The following CBLIF variants were observed in gnomAD, a reference collection of about 807,000 sequenced individuals.
CBLIF encodes the protein gastric intrinsic factor (vitamin B synthesis).
Under a neutral mutation model 44.9 loss-of-function variants are expected in CBLIF, and 24 were observed. That is an observed-to-expected ratio of 0.53 (90% CI 0.39 to 0.75). The LOEUF is 0.75. Among genes scored for constraint, CBLIF ranks in the 30% least tolerant of loss-of-function variants. CBLIF has a pLI of 0.00. For missense variants in CBLIF, 481 were observed against 513.0 expected (o/e 0.94, Z 0.60); for synonymous variants, 183 against 190.9 (o/e 0.96, Z 0.34).
chr11:59,843,274 G>T, intron 2 of CBLIF, 133 bp from the exon 3 acceptor site: 1 of 680,214 alleles, frequency 1.5e-6, no homozygotes. Context: ...TCTTTGATCT[G>T]TCTTTCCAAA....
At position 59,843,898 on chromosome 11, in the gene CBLIF, G is replaced by A. The variant is rs1436914758; in HGVS notation, c.237C>T (p.Leu79=). ...TCTCACCGTTGTTGTCGCTGGACAT[G>A]AGCTGGTAAGTCAGGAGCTTCTGGG... ...LKAQKLLTYQ[L]MSSDNNDLTI... The change falls in exon 2 of 9, where the codon CTC becomes CTT. Residue 79 remains leucine, a synonymous_variant. Transcript: ENST00000257248. 6.2e-7 allele frequency: 1 copy of A among 1,613,410 alleles called. No individual in the cohort carries two copies. Among genetic ancestry groups the A allele is most frequent in the Non-Finnish European group, 8.5e-7 (1 of 1,179,486 alleles).
chr11:59,842,638 T>G lies in CBLIF; in HGVS notation c.371-55A>C. On this transcript the variant is annotated intron_variant, in intron 3 of 8. Coordinates refer to ENST00000257248, the MANE Select transcript of CBLIF (RefSeq NM_005142.3). ...ACTCACAGTCACCACGATGAGGACA[T>G]TTGCAAAGAAGGAAAAGCCAAGCCT... 3.2e-6 allele frequency: 5 copies of G among 1,575,958 alleles called. No homozygotes were observed. The Admixed American group carries it at 8.3e-5, about 26-fold the overall frequency.
chr11:59,843,806 G>A lies in CBLIF; in HGVS notation c.256+73C>T, dbSNP rs116881831. Reference sequence around the variant, plus strand: ...GAGGCAGCATTGGGGTGGGAAGGACGCTGAGTTGGAATCTGGAGGTGGTAT... The same window carrying A: ...GAGGCAGCATTGGGGTGGGAAGGACACTGAGTTGGAATCTGGAGGTGGTAT... On this transcript the variant is annotated intron_variant, in intron 2 of 8. Coordinates refer to ENST00000257248, the MANE Select transcript of CBLIF (RefSeq NM_005142.3). 3,783 of 1,136,566 alleles carry A rather than the reference G, an allele frequency of 3.3e-3. 10 individuals carry two copies. The highest frequency in any genetic ancestry group is 4.1e-3 in the Non-Finnish European group (3,069 of 747,548). 70.4% of individuals were successfully genotyped at this position (1,136,566 alleles called of 1,614,324 possible).
chr11:59,841,592 A>C (rs78681553), intron 4 of CBLIF, among the ~76,000 whole-genome samples: 2,821 of 152,294 alleles, frequency 0.019, 83 homozygotes, highest in African/African-American at 0.063. Flanking sequence ...AGAAGTAAAT[A>C]AGTCCAAATT....
At chr11:59,838,226 C>A (rs529256187) in intron 5 of CBLIF, among the ~76,000 whole-genome samples, 5 of 152,314 alleles carry the variant, frequency 3.3e-5, no homozygotes, top group South Asian at 2.1e-4. Context: ...TTGAGTAATA[C>A]ACCAAGCCAT....
intron 1 of CBLIF, among the ~76,000 whole-genome samples, chr11:59,844,742 A>G (rs1035431612): frequency 6.6e-6 from 1 of 152,152 alleles, no homozygotes; most frequent in Non-Finnish European, 1.5e-5. Flanking sequence ...GTGAGTACCA[A>G]AATCTCTCAC....
rs146699265 is a variant in CBLIF, at chr11:59,845,428, A to G, written c.26T>C (p.Leu9Pro). 2.9e-4 allele frequency: 474 copies of G among 1,611,874 alleles called. No individual in the cohort carries two copies. Among genetic ancestry groups the G allele is most frequent in the Non-Finnish European group, 3.8e-4 (452 of 1,178,172 alleles). The change falls in exon 1 of 9, where the codon CTG (leucine) becomes CCG (proline). Residue 9 changes from leucine (L) to proline (P), a missense_variant. Leu to Pro is a moderately conservative substitution (Grantham distance 98). Transcript: ENST00000257248. ...CCCAGCTGTAGCCCAGAGAAGGCTC[A>G]GGAGGTAGAGGGCAAACCAGGCCAT... is the stretch of plus-strand genomic sequence containing the variant. MAWFALYL[L>P]SLLWATAGTS...
chr11:59,835,982 C>G lies in CBLIF; in HGVS notation c.899G>C (p.Ser300Thr). Residue 300 changes from serine (S) to threonine (T), a missense_variant, in exon 7 of 9, where the codon AGC becomes ACC. Physicochemically the swap from Ser to Thr is moderately conservative, Grantham distance 58 (BLOSUM62 1). Coordinates refer to ENST00000257248, the MANE Select transcript of CBLIF (RefSeq NM_005142.3). ...AGAGGTGGGGCCAGGGCCAGGGTTG[C>G]TGGGTAGAGTTGGTTGTACCTCATG... ...PDHEVQPTLP[S>T]NPGPGPTSAS... 1 of 1,614,128 alleles carries G rather than the reference C, an allele frequency of 6.2e-7. No individual in the cohort carries two copies. Among genetic ancestry groups the G allele is most frequent in the East Asian group, 2.2e-5 (1 of 44,882 alleles).
At chr11:59,842,248 C>T (rs1866541342) in intron 4 of CBLIF, among the ~76,000 whole-genome samples, 195 bp downstream of exon 4, 1 of 152,200 alleles carries the variant, frequency 6.6e-6, no homozygotes, top group African/African-American at 2.4e-5. Flanking sequence ...CATAATACTA[C>T]CCCCTCTTCC....
At chr11:59,835,434 G>A (rs372720178) in intron 7 of CBLIF, among the ~76,000 whole-genome samples, 77 of 151,728 alleles carry the variant, frequency 5.1e-4, no homozygotes, top group African/African-American at 1.9e-3. Flanking sequence ...CAAAGTGTTG[G>A]GATTACAGGC....
At chr11:59,832,831 T>C (rs991561309) in intron 7 of CBLIF, among the ~76,000 whole-genome samples, 8 of 152,176 alleles carry the variant, frequency 5.3e-5, no homozygotes, top group African/African-American at 1.9e-4. Context: ...GGGTAAATGA[T>C]TATATGAGTG....
chr11:59,840,747 T>G (rs553962306), intron 5 of CBLIF, among the ~76,000 whole-genome samples: 17 of 152,318 alleles, frequency 1.1e-4, no homozygotes, highest in African/African-American at 4.1e-4. Flanking sequence ...GCTGGTAAGA[T>G]TGCATCAGAA....
Position 59,831,683 on chromosome 11 carries a change from T to C in CBLIF, c.1187A>G (p.Asn396Ser), listed in dbSNP as rs1242129221. The part of the protein sequence containing the change: ...WQFLSGVTPL[N>S]EGVADYIPFN... ...TATGTCTTTTCTTCCCTCACCTTCATTCAAAGGTGTTACACCACTAAGAAA... is the reference window on the plus strand; with the variant it reads ...TATGTCTTTTCTTCCCTCACCTTCACTCAAAGGTGTTACACCACTAAGAAA... Residue 396 changes from asparagine to serine, a missense_variant, in exon 8 of 9, where the codon AAT (asparagine) becomes AGT (serine). Physicochemically the swap from Asn to Ser is conservative, Grantham distance 46 (BLOSUM62 1). Transcript: ENST00000257248. 1 of 1,378,282 alleles carries C rather than the reference T, an allele frequency of 7.3e-7. No homozygotes were observed. Among genetic ancestry groups the C allele is most frequent in the East Asian group, 2.3e-5 (1 of 43,762 alleles). The allele number at this position is 1,378,282 out of a possible 1,614,324, so 85.4% of individuals were successfully genotyped here.
At chr11:59,837,079 G>A (rs1472199354) in intron 6 of CBLIF, 95 bp downstream of exon 6, 1 of 952,326 alleles carries the variant, frequency 1.1e-6, no homozygotes, top group Admixed American at 1.7e-5. Flanking sequence ...GGGAATAATG[G>A]ACATTACAAG....
rs759093695 is a variant in CBLIF at position 59,843,935 on chromosome 11, T to C, written c.200A>G (p.Tyr67Cys). The stretch of plus-strand genomic sequence containing the variant: ...CAGGAGCTTCTGGGCCTTCAAGTTG[T>C]AGGCTCCGGCCAGATTCATGGCAAT... ...ILIAMNLAGA[Y>C]NLKAQKLLTY... The change falls in exon 2 of 9, where the codon TAC becomes TGC. Residue 67 changes from tyrosine (Y) to cysteine (C), a missense_variant. Coordinates refer to ENST00000257248, the MANE Select transcript of CBLIF (RefSeq NM_005142.3). 2.0e-5 allele frequency: 33 copies of C among 1,613,236 alleles called. No individual in the cohort carries two copies. The highest frequency in any genetic ancestry group is 2.7e-5 in the Non-Finnish European group (32 of 1,179,326).
chr11:59,831,904 A>G, intron 7 of CBLIF, 108 bp from the exon 8 acceptor site: 1 of 706,868 alleles, frequency 1.4e-6, no homozygotes, highest in Non-Finnish European at 2.6e-6. Context: ...TTAATTTTTT[A>G]GAGACAAGGT....
At position 59,836,017 on chromosome 11, in the gene CBLIF, G is replaced by T. The variant is rs200571955; in HGVS notation, c.872-8C>A. The T allele has an allele frequency of 2.2e-4, 355 of 1,610,944 alleles. 3 individuals carry two copies. In the African/African-American group the frequency reaches 4.2e-3, roughly 19 times the overall value. On this transcript the variant is annotated splice_polypyrimidine_tract_variant and splice_region_variant and intron_variant, in intron 6 of 8. Coordinates refer to ENST00000257248, the MANE Select transcript of CBLIF (RefSeq NM_005142.3). ...TTGGTTGTACCTCATGATCTGTGAA[G>T]GGCAAAGAGGCCACATTTGTCAAAG...
chr11:59,841,306 G>T lies in CBLIF; in HGVS notation c.530C>A (p.Thr177Asn). The T allele has an allele frequency of 1.2e-6, 2 of 1,613,618 alleles. No homozygotes were observed. The highest frequency in any genetic ancestry group is 1.7e-6 in the Non-Finnish European group (2 of 1,179,524). ...PFNVDTGAMATLALTCMYNKI... is the reference protein window; with the variant it reads ...PFNVDTGAMANLALTCMYNKI... ...GTTGTACATACAGGTCAGAGCCAAG[G>T]TTGCCATTGCTCCTGTGTCTGTGAA... Residue 177 changes from threonine (T) to asparagine (N), a missense_variant, in exon 5 of 9, where the codon ACC becomes AAC. Transcript: ENST00000257248.
intron 7 of CBLIF, among the ~76,000 whole-genome samples, chr11:59,835,575 A>G (rs1032693835): frequency 6.6e-6 from 1 of 152,236 alleles, no homozygotes; most frequent in Non-Finnish European, 1.5e-5. Flanking sequence ...CTACTCTGCA[A>G]TGGACTTTCG....
Sources: allele counts gnomAD v4.1 joint callset (sites outside exome capture counted in the v4.1 genomes callset), GRCh38; gene constraint gnomAD v4.1.1; transcripts MANE v1.5; gene names NCBI Gene and HGNC (gene_info 2026-07-23, HGNC 2026-07-21).